The following PAX5 variants were observed in gnomAD, a reference collection of about 807,000 sequenced individuals.
The protein encoded by PAX5 is paired box 5.
In PAX5, 9 loss-of-function variants were observed where a neutral mutation model predicts 43.7. The ratio of observed to expected loss-of-function variants is 0.21; its 90% CI spans 0.12 to 0.36. The LOEUF is 0.36. PAX5 is among the 10% of genes least tolerant of loss of function. The pLI, the probability that PAX5 is intolerant of heterozygous loss-of-function variation, is 1.00. For missense variants in PAX5, 383 were observed against 532.7 expected (o/e 0.72, Z 2.77); for synonymous variants, 228 against 214.3 (o/e 1.06, Z -0.56).
intron 5 of PAX5, among the ~76,000 whole-genome samples, chr9:36,989,040 A>T (rs945519444): frequency 6.6e-6 from 1 of 152,160 alleles, no homozygotes; most frequent in African/African-American, 2.4e-5. Flanking sequence ...TAAAACCCAC[A>T]TGTGACCAGC....
intron 6 of PAX5, among the ~76,000 whole-genome samples, chr9:36,926,716 C>T (rs1318942821): frequency 6.6e-5 from 10 of 152,180 alleles, no homozygotes; most frequent in Admixed American, 6.5e-4. Context: ...GTCCCAGTTC[C>T]GCCCTCCTCT....
At chr9:36,911,039 A>G (rs1370003070) in intron 7 of PAX5, among the ~76,000 whole-genome samples, 2 of 152,136 alleles carry the variant, frequency 1.3e-5, no homozygotes, top group African/African-American at 4.8e-5. Context: ...CAACATTTAG[A>G]TCTCAGATCA....
At chr9:36,968,318 A>G (rs1834621263) in intron 5 of PAX5, among the ~76,000 whole-genome samples, 1 of 152,254 alleles carries the variant, frequency 6.6e-6, no homozygotes, top group Non-Finnish European at 1.5e-5. Flanking sequence ...ACTAAAGACC[A>G]TGAAGCAGTG....
intron 5 of PAX5, among the ~76,000 whole-genome samples, chr9:36,969,283 C>G (rs1437692777): frequency 6.6e-6 from 1 of 152,230 alleles, no homozygotes; most frequent in East Asian, 1.9e-4. Context: ...ATCAGATCCC[C>G]TCAACTCTGC....
chr9:37,017,428 T>C (rs1839475770), intron 2 of PAX5, among the ~76,000 whole-genome samples: 1 of 152,208 alleles, frequency 6.6e-6, no homozygotes, highest in African/African-American at 2.4e-5. Flanking sequence ...AAATTTTAAA[T>C]AATAATAAGA....
At position 36,968,508 on chromosome 9, in the gene PAX5, C is replaced by A. The variant is rs145841292; in HGVS notation, c.605-1784G>T. On this transcript the variant is annotated intron_variant, in intron 5 of 9. Coordinates refer to ENST00000358127, the MANE Select transcript of PAX5 (RefSeq NM_016734.3). ...ACCCAGCATCCTCTATAGGAAGGGC[C>A]TTCGGAGGCAGCTCATGAGCCCTCT... is the stretch of plus-strand genomic sequence containing the variant. 5.3e-5 allele frequency among the ~76,000 whole-genome samples: 8 copies of A among 152,266 alleles called. No individual in the cohort carries two copies. In the East Asian group the frequency reaches 1.5e-3, roughly 29 times the overall value.
At chr9:36,852,647 T>C (rs1027012334) in intron 8 of PAX5, among the ~76,000 whole-genome samples, 6 of 152,218 alleles carry the variant, frequency 3.9e-5, no homozygotes, top group African/African-American at 1.4e-4. Flanking sequence ...CCACTGGGCA[T>C]CTCAAGGCTG....
chr9:36,838,316 G>T lies in PAX5; in HGVS notation c.*2244C>A, dbSNP rs890637240. On this transcript the variant is annotated 3_prime_UTR_variant, in exon 10 of 10. Coordinates refer to ENST00000358127, the MANE Select transcript of PAX5 (RefSeq NM_016734.3). ...ATGGGGCCCAGAACCATCTCTCACT[G>T]CTCTTACTGTCAACTCTCCTCAGGA... 2 of 232,376 alleles carry T rather than the reference G, an allele frequency of 8.6e-6. No individual in the cohort carries two copies. Among genetic ancestry groups the T allele is most frequent in the African/African-American group, 2.2e-5 (1 of 45,268 alleles). 14.4% of individuals were successfully genotyped at this position (232,376 alleles called of 1,614,324 possible). A position where few individuals can be genotyped will look rare whatever the true frequency, so the allele number is the denominator to read the frequency against.
intron 6 of PAX5, among the ~76,000 whole-genome samples, chr9:36,955,782 A>T (rs7852202): frequency 0.072 from 9,565 of 132,300 alleles, 366 homozygotes; most frequent in African/African-American, 0.097. Context: ...AAAAAAAAAA[A>T]ATATATATAT....
chr9:36,881,270 T>A (rs1445779192), intron 8 of PAX5, among the ~76,000 whole-genome samples: 1 of 152,200 alleles, frequency 6.6e-6, no homozygotes, highest in African/African-American at 2.4e-5. Context: ...TGCTAACTCA[T>A]AAAAGATGTG....
chr9:37,001,827 T>TTTTTTTTTTC (rs1837885434), intron 5 of PAX5, among the ~76,000 whole-genome samples: 1 of 133,002 alleles, frequency 7.5e-6, no homozygotes. Context: ...TTTTTTTTTT[T>TTTTTTTTTTC]TTTTTTTCTT....
chr9:36,989,289 T>C (rs1308451913), intron 5 of PAX5, among the ~76,000 whole-genome samples: 1 of 152,338 alleles, frequency 6.6e-6, no homozygotes, highest in East Asian at 1.9e-4. Flanking sequence ...CTCATACGGA[T>C]GTCATCCTGT....
chr9:36,839,486 A>T lies in PAX5; in HGVS notation c.*1074T>A, dbSNP rs1296086235. The T allele has an allele frequency of 4.3e-6, 1 of 233,290 alleles. No homozygotes were observed. Among genetic ancestry groups the T allele is most frequent in the Non-Finnish European group, 8.5e-6 (1 of 118,148 alleles). The allele number at this position is 233,290 out of a possible 1,614,324, so 14.5% of individuals were successfully genotyped here. A position where few individuals can be genotyped will look rare whatever the true frequency, so the allele number is the denominator to read the frequency against. ...TGTTTGTGATCTGGGTGTGGGGGAAAGTCCTCTGTGTTAATTATTGTCTAC... is the reference window on the plus strand; with the variant it reads ...TGTTTGTGATCTGGGTGTGGGGGAATGTCCTCTGTGTTAATTATTGTCTAC... On this transcript the variant is annotated 3_prime_UTR_variant, in exon 10 of 10. Transcript: ENST00000358127.
rs192418438 is a variant in PAX5 at position 36,838,790 on chromosome 9, T to G, written c.*1770A>C. On this transcript the variant is annotated 3_prime_UTR_variant, in exon 10 of 10. Coordinates refer to ENST00000358127, the MANE Select transcript of PAX5 (RefSeq NM_016734.3). The stretch of plus-strand genomic sequence containing the variant: ...GGAGGGGAAGGAAAGAGCTGTGGGG[T>G]GGCCCTACAGATGACCCTGCTGCAC... 593 of 233,310 alleles carry G rather than the reference T, an allele frequency of 2.5e-3. 4 individuals are homozygous for G. Among genetic ancestry groups the G allele is most frequent in the African/African-American group, 7.6e-3 (347 of 45,438 alleles). The allele number at this position is 233,310 out of a possible 1,614,324, so 14.5% of individuals were successfully genotyped here.
chr9:37,018,072 T>TA (rs1350966536), intron 2 of PAX5, among the ~76,000 whole-genome samples: 1 of 152,200 alleles, frequency 6.6e-6, no homozygotes, highest in Non-Finnish European at 1.5e-5. Flanking sequence ...CCAACTCACT[T>TA]AGCCTCTCTA....
chr9:36,946,772 C>A (rs1832554214), intron 6 of PAX5, among the ~76,000 whole-genome samples: 1 of 152,174 alleles, frequency 6.6e-6, no homozygotes, highest in African/African-American at 2.4e-5. Context: ...CTGGAAGCAT[C>A]CCCAGGAGAC....
chr9:36,928,431 A>C (rs1450409932), intron 6 of PAX5, among the ~76,000 whole-genome samples: 1 of 152,206 alleles, frequency 6.6e-6, no homozygotes, highest in African/African-American at 2.4e-5. Flanking sequence ...CTATGCTTCC[A>C]TACTTGGTGG....
chr9:37,003,689 T>G lies in PAX5; in HGVS notation c.476-913A>C, dbSNP rs559886515. Among the ~76,000 whole-genome samples the G allele has an allele frequency of 2.4e-4, 36 of 152,068 alleles. 1 individual carries two copies. The South Asian group carries it at 7.3e-3, about 31-fold the overall frequency. On this transcript the variant is annotated intron_variant, in intron 4 of 9. Transcript: ENST00000358127. ...CTACCAAAAAACTTTAAAAAAAAAT[T>G]AGCCAGGTGTGGTGGCACAAGCCTA...
intron 5 of PAX5, among the ~76,000 whole-genome samples, chr9:36,988,056 G>T (rs1181638330): frequency 6.6e-6 from 1 of 152,164 alleles, no homozygotes; most frequent in African/African-American, 2.4e-5. Flanking sequence ...GCGGCGGGGA[G>T]CGGGGGAGGA....
Sources: allele counts gnomAD v4.1 joint callset (sites outside exome capture counted in the v4.1 genomes callset), GRCh38; gene constraint gnomAD v4.1.1; transcripts MANE v1.5; gene names NCBI Gene and HGNC (gene_info 2026-07-23, HGNC 2026-07-21).